RFTN2: variants seen among roughly 807,000 people sequenced by gnomAD.
The protein encoded by RFTN2 is raftlin family member 2, also known as raftlin-2.
In RFTN2, 34 loss-of-function variants were observed where a neutral mutation model predicts 52.7. The observed-to-expected ratio is 0.64, with a 90% CI of 0.49 to 0.86. The LOEUF (loss-of-function observed/expected upper bound fraction) is 0.86, where lower values mean the gene tolerates loss of function less well. Ranked by LOEUF, RFTN2 falls within the 40% of genes least tolerant of loss-of-function variation. RFTN2 has a pLI of 0.00. For synonymous variants in RFTN2, 203 were observed against 217.7 expected, an observed-to-expected ratio of 0.93 and a Z score of 0.59; for missense variants, 536 against 600.1, an observed-to-expected ratio of 0.89 and a Z score of 1.12.
At chr2:197,633,101 T>C (rs1266213440) in intron 4 of RFTN2, among the ~76,000 whole-genome samples, 1 of 152,172 alleles carries the variant, frequency 6.6e-6, no homozygotes, top group Non-Finnish European at 1.5e-5. Context: ...CCCACAAAGG[T>C]ATCAGAAAAC....
intron 1 of RFTN2, among the ~76,000 whole-genome samples, chr2:197,665,906 T>C (rs1262096453): frequency 2.0e-5 from 3 of 152,182 alleles, no homozygotes; most frequent in Non-Finnish European, 4.4e-5. Context: ...TTGAGTCCTT[T>C]CTCTTCCTCA....
intron 1 of RFTN2, among the ~76,000 whole-genome samples, chr2:197,663,375 G>C (rs2089005534): frequency 6.6e-6 from 1 of 152,210 alleles, no homozygotes. Flanking sequence ...GAAATGGCTT[G>C]AGGAGGATTG....
At chr2:197,609,072 T>C (rs2088012432) in intron 7 of RFTN2, among the ~76,000 whole-genome samples, 1 of 152,222 alleles carries the variant, frequency 6.6e-6, no homozygotes. Flanking sequence ...TTTGCTATTG[T>C]GAAGAGTGCC....
Position 197,568,864 on chromosome 2 carries a change from T to G in RFTN2, c.*3144A>C, listed in dbSNP as rs1327630691. 1 of 152,164 alleles carries G rather than the reference T, an allele frequency of 6.6e-6. No individual in the cohort carries two copies. The highest frequency in any genetic ancestry group is 6.5e-5 in the Admixed American group (1 of 15,272). The allele number at this position is 152,164 out of a possible 1,614,324, so 9.4% of individuals were successfully genotyped here. A position where few individuals can be genotyped will look rare whatever the true frequency, so the allele number is the denominator to read the frequency against. On this transcript the variant is annotated 3_prime_UTR_variant, in exon 9 of 9. Coordinates refer to ENST00000295049, the MANE Select transcript of RFTN2 (RefSeq NM_144629.3). The stretch of plus-strand genomic sequence containing the variant: ...AATGAAAGAAATGAAAATGCATCTG[T>G]TACATTTATATTCAAATATATAAAC...
intron 8 of RFTN2, among the ~76,000 whole-genome samples, chr2:197,594,953 G>T (rs983897736): frequency 3.9e-5 from 6 of 152,064 alleles, no homozygotes; most frequent in Non-Finnish European, 7.4e-5. Flanking sequence ...CTGCAGCTTT[G>T]CCCGAAAACA....
chr2:197,642,711 T>C (rs990305551), intron 3 of RFTN2, among the ~76,000 whole-genome samples: 1 of 152,182 alleles, frequency 6.6e-6, no homozygotes, highest in Non-Finnish European at 1.5e-5. Flanking sequence ...TGGCCAGGCA[T>C]GGTGGCTCAC....
intron 4 of RFTN2, 55 bp from the exon 5 acceptor site, chr2:197,631,275 T>C (rs2088465857): frequency 7.6e-7 from 1 of 1,307,686 alleles, no homozygotes; most frequent in Admixed American, 1.9e-5. Flanking sequence ...TGATCAAAGA[T>C]TCTTAATTTT....
chr2:197,597,562 C>T (rs1164295126), intron 7 of RFTN2, among the ~76,000 whole-genome samples: 3 of 151,902 alleles, frequency 2.0e-5, no homozygotes, highest in African/African-American at 7.3e-5. Flanking sequence ...TTTTGTTGCC[C>T]AGGCTGAAGT....
At chr2:197,591,125 A>G (rs1463029753) in intron 8 of RFTN2, among the ~76,000 whole-genome samples, 2 of 152,038 alleles carry the variant, frequency 1.3e-5, no homozygotes, top group Non-Finnish European at 2.9e-5. Flanking sequence ...GCTAGACACA[A>G]AAGTTCTCCA....
chr2:197,640,489 C>G (rs7604341), intron 3 of RFTN2, among the ~76,000 whole-genome samples: 63,788 of 146,938 alleles, frequency 0.43, 11,517 homozygotes, highest in Middle Eastern at 0.59. Flanking sequence ...GTGGGAGTGA[C>G]CCGATTTTCC....
chr2:197,671,089 A>G (rs989483925), intron 1 of RFTN2, among the ~76,000 whole-genome samples: 1 of 151,588 alleles, frequency 6.6e-6, no homozygotes, highest in East Asian at 1.9e-4. Flanking sequence ...TTCTTAAAAC[A>G]CTCTTCTGCA....
At chr2:197,588,102 C>T (rs537027795) in intron 8 of RFTN2, 22 of 451,168 alleles carry the variant, frequency 4.9e-5, no homozygotes, top group African/African-American at 3.9e-4. Flanking sequence ...AAAAATAACA[C>T]ACATTTAATA....
chr2:197,631,224 G>A lies in RFTN2; in HGVS notation c.719-4C>T. 4 of 1,599,568 alleles carry A rather than the reference G, an allele frequency of 2.5e-6. No homozygotes were observed. Among genetic ancestry groups the A allele is most frequent in the Middle Eastern group, 3.3e-4 (2 of 6,040 alleles). On this transcript the variant is annotated splice_polypyrimidine_tract_variant and splice_region_variant and intron_variant, in intron 4 of 8. Transcript: ENST00000295049. Reference sequence around the variant, plus strand: ...GTATACAATTTGTTATCTGAGGCTAGGCATTCAGAAGGAGAAAAAAGGGGA... The same window carrying A: ...GTATACAATTTGTTATCTGAGGCTAAGCATTCAGAAGGAGAAAAAAGGGGA...
At chr2:197,603,010 G>A (rs2087903234) in intron 7 of RFTN2, among the ~76,000 whole-genome samples, 1 of 152,176 alleles carries the variant, frequency 6.6e-6, no homozygotes. Context: ...ACTCATAGGT[G>A]GGAATTGAAC....
At chr2:197,573,111 G>C (rs991641121) in intron 8 of RFTN2, among the ~76,000 whole-genome samples, 1 of 151,890 alleles carries the variant, frequency 6.6e-6, no homozygotes, top group South Asian at 2.1e-4. Context: ...TGGCGGGGGT[G>C]GGGGGTGCTA....
intron 5 of RFTN2, among the ~76,000 whole-genome samples, chr2:197,623,606 G>C (rs566387759): frequency 6.6e-6 from 1 of 152,242 alleles, no homozygotes; most frequent in South Asian, 2.1e-4. Context: ...AGCCTCTTGA[G>C]TAGCTGGGAC....
Position 197,633,861 on chromosome 2 carries a change from T to G in RFTN2, c.575A>C (p.Glu192Ala). The G allele has an allele frequency of 6.2e-7, 1 of 1,613,998 alleles. No individual in the cohort carries two copies. Among genetic ancestry groups the G allele is most frequent in the Non-Finnish European group, 8.5e-7 (1 of 1,179,912 alleles). Residue 192 changes from glutamate (E) to alanine (A), a missense_variant, in exon 4 of 9, where the codon GAA becomes GCA. Transcript: ENST00000295049. ...CCCTTCATTCCAACTTCTACAGTTT[T>G]CATCTGAACCGTGTCTCACATGTAG... ...SMLHVRHGSD[E>A]NCRSWNEGTL...
chr2:197,660,377 G>A (rs1386379821), intron 1 of RFTN2, among the ~76,000 whole-genome samples: 1 of 152,054 alleles, frequency 6.6e-6, no homozygotes, highest in Non-Finnish European at 1.5e-5. Flanking sequence ...TATTGTTTAT[G>A]TTTTTCCATG....
chr2:197,616,242 C>A (rs2088138630), intron 6 of RFTN2, among the ~76,000 whole-genome samples: 1 of 75,892 alleles, frequency 1.3e-5, no homozygotes, highest in Admixed American at 1.3e-4. Context: ...AAATTTAATA[C>A]ATGGGGTTGG....
Sources: gnomAD v4.1 joint callset for allele counts (sites outside exome capture counted in the v4.1 genomes callset) on GRCh38, gnomAD v4.1.1 for gene constraint, MANE v1.5 for transcripts, NCBI Gene and HGNC (gene_info 2026-07-23, HGNC 2026-07-21) for gene names.